Variants in IRS4 observed in about 807,000 individuals in gnomAD.
IRS4 encodes insulin receptor substrate 4.
IRS4 carries 15 observed loss-of-function variants against 48.6 expected under a neutral mutation model. The ratio of observed to expected loss-of-function variants is 0.31; its 90% confidence interval spans 0.21 to 0.48. The LOEUF (loss-of-function observed/expected upper bound fraction) is 0.48. Ranked by LOEUF, IRS4 falls within the 20% of genes least tolerant of loss-of-function variation. The pLI is 0.99. For synonymous variants in IRS4, 459 were observed against 413.2 expected, an observed-to-expected ratio of 1.11 and a Z score of -1.34; for missense variants, 987 against 1,023.4, an observed-to-expected ratio of 0.96 and a Z score of 0.49.
chrX:108,733,715 G>T lies in IRS4; in HGVS notation c.2630C>A (p.Ser877Ter), dbSNP rs769439231. 1 of 1,211,614 alleles carries T rather than the reference G, an allele frequency of 8.3e-7. No homozygotes were observed. Among genetic ancestry groups the T allele is most frequent in the Non-Finnish European group, 1.1e-6 (1 of 895,490 alleles). The change falls in exon 1 of 2, where the codon TCA becomes TAA. Residue 877 changes from serine to a stop codon, truncating the protein, a stop_gained. Transcript: ENST00000372129. LOFTEE classifies it high-confidence loss of function. The part of the protein sequence containing the change: ...PGDGGSPSKP[S>*]DHEPPKNKAK... ...TTTATTCTTTGGGGGCTCATGATCT[G>T]AAGGCTTTGAAGGTGATCCCCCATC...
In IRS4 at chrX:108,733,756, T is replaced by C. The variant is rs908598176; in HGVS notation, c.2589A>G (p.Ser863=). 1 of 1,212,110 alleles carries C rather than the reference T, an allele frequency of 8.3e-7. No homozygotes were observed. ...ATCCCCCATCTCCAGGCTTTGAGAA[T>C]GATCCCTCACCTGAAGGCTTTGAAG... ...DAASKPSGEG[S]FSKPGDGGSP... is the part of the protein sequence containing the mutation. Residue 863 remains serine, a synonymous_variant, in exon 1 of 2, where the codon TCA becomes TCG. Coordinates refer to ENST00000372129, the MANE Select transcript of IRS4 (RefSeq NM_001379150.1).
chrX:108,727,628 C>T (rs1268926548), intron 1 of IRS4, among the ~76,000 whole-genome samples: 1 of 112,216 alleles, frequency 8.9e-6, no homozygotes, highest in Non-Finnish European at 1.9e-5. Flanking sequence ...AAGAGTCTGG[C>T]AGCACCTCTT....
Position 108,735,326 on chromosome X carries a change from C to T in IRS4, c.1019G>A (p.Cys340Tyr), listed in dbSNP as rs1217039000. ...GCCGATGCTGATGCTGTAGCTGCGG[C>T]AGCGGGCTCTGTATTCGTCTGCACA... ...ALCADEYRAR[C>Y]RSYSISIGAH... is the part of the protein sequence containing the mutation. Residue 340 changes from cysteine (C) to tyrosine (Y), a missense_variant, in exon 1 of 2, where the codon TGC becomes TAC. By Grantham distance (194) the Cys-to-Tyr change is radical. Transcript: ENST00000372129. The T allele has an allele frequency of 8.3e-7, 1 of 1,211,653 alleles. No individual in the cohort carries two copies. Among genetic ancestry groups the T allele is most frequent in the Admixed American group, 2.2e-5 (1 of 46,071 alleles).
At chrX:108,730,239 A>G (rs2068893403) in intron 1 of IRS4, among the ~76,000 whole-genome samples, 1 of 110,715 alleles carries the variant, frequency 9.0e-6, no homozygotes, top group African/African-American at 3.3e-5. Flanking sequence ...CTACCATACA[A>G]TTTACATTAA....
chrX:108,725,460 C>CAAAA (rs397968164), intron 1 of IRS4, among the ~76,000 whole-genome samples: 9,815 of 59,529 alleles, frequency 0.16, 857 homozygotes, highest in East Asian at 0.4. Context: ...AGTAAAGCAC[C>CAAAA]AAAAAAAAAA....
chrX:108,729,048 G>A (rs1325168537), intron 1 of IRS4, among the ~76,000 whole-genome samples: 5 of 111,700 alleles, frequency 4.5e-5, no homozygotes, highest in African/African-American at 1.6e-4. Flanking sequence ...TACCTCATTA[G>A]TCCAAACACT....
chrX:108,734,520 A>G lies in IRS4; in HGVS notation c.1825T>C (p.Ser609Pro). 8.3e-7 allele frequency: 1 copy of G among 1,210,150 alleles called. No individual in the cohort carries two copies. Among genetic ancestry groups the G allele is most frequent in the Non-Finnish European group, 1.1e-6 (1 of 895,106 alleles). The change falls in exon 1 of 2, where the codon TCT becomes CCT. Residue 609 changes from serine to proline, a missense_variant. By Grantham distance (74) the Ser-to-Pro change is moderately conservative (BLOSUM62 -1). Coordinates refer to ENST00000372129, the MANE Select transcript of IRS4 (RefSeq NM_001379150.1). ...GSDGDGERGK[S>P]LKKRSYFGKL... ...CCAAAATAGGATCTTTTCTTCAGAG[A>G]TTTTCCACGTTCACCATCACCATCG...
chrX:108,734,999 G>A lies in IRS4; in HGVS notation c.1346C>T (p.Ala449Val). The change falls in exon 1 of 2, where the codon GCC becomes GTC. Residue 449 changes from alanine to valine, a missense_variant. By Grantham distance (64) the Ala-to-Val change is moderately conservative (BLOSUM62 0). Transcript: ENST00000372129. ...AGACAGGCGAGCTCCATTGTTCGGG[G>A]CTTCTGCAGGGTGCCGGGGACGTGC... ...SPARPRHPAE[A>V]PNNGARLSSE... 1 of 1,212,055 alleles carries A rather than the reference G, an allele frequency of 8.3e-7. No homozygotes were observed. Among genetic ancestry groups the A allele is most frequent in the Non-Finnish European group, 1.1e-6 (1 of 895,592 alleles).
rs755977978 is a variant in IRS4, at chrX:108,734,404, C to G, written c.1941G>C (p.Gly647=). 7 of 1,209,831 alleles carry G rather than the reference C, an allele frequency of 5.8e-6. No individual in the cohort carries two copies. The Admixed American group carries it at 1.5e-4, about 26-fold the overall frequency. ...PPPAGGTGGK[G]KSGGRFRLYF... is the part of the protein sequence containing the mutation. Reference sequence around the variant, plus strand: ...AAAGTCTGAATCTTCCCCCAGACTTCCCTTTTCCACCAGTTCCTCCAGCTG... The same window carrying G: ...AAAGTCTGAATCTTCCCCCAGACTTGCCTTTTCCACCAGTTCCTCCAGCTG... Residue 647 remains glycine, a synonymous_variant, in exon 1 of 2, where the codon GGG becomes GGC. Transcript: ENST00000372129.
Position 108,736,415 on chromosome X carries a change from G to A in IRS4, c.-71C>T. 1 of 1,190,871 alleles carries A rather than the reference G, an allele frequency of 8.4e-7. No homozygotes were observed. Among genetic ancestry groups the A allele is most frequent in the Admixed American group, 2.3e-5 (1 of 43,366 alleles). On this transcript the variant is annotated 5_prime_UTR_variant, in exon 1 of 2. Transcript: ENST00000372129. ...CAGGAAAGGGAGGGTTGGGGGAAGA[G>A]GCTGTCTACCCTCGTCTGCCCGCCC...
intron 1 of IRS4, among the ~76,000 whole-genome samples, chrX:108,731,228 G>T (rs991195348): frequency 2.7e-5 from 3 of 110,656 alleles, no homozygotes; most frequent in Non-Finnish European, 5.7e-5. Flanking sequence ...ATGTGGGGGG[G>T]CTACACCTGC....
At position 108,734,292 on chromosome X, in the gene IRS4, C is replaced by T; in HGVS notation, c.2053G>A (p.Gly685Ser). The T allele has an allele frequency of 4.1e-6, 5 of 1,211,320 alleles. 1 individual carries two copies. Among genetic ancestry groups the T allele is most frequent in the Non-Finnish European group, 5.6e-6 (5 of 895,449 alleles). The change falls in exon 1 of 2, where the codon GGT becomes AGT. Residue 685 changes from glycine (G) to serine (S), a missense_variant. Physicochemically the swap from Gly to Ser is moderately conservative, Grantham distance 56 (BLOSUM62 0). Transcript: ENST00000372129. The part of the protein sequence containing the change: ...DAEIPEGAAR[G>S]PHRARAFDED... Reference sequence around the variant, plus strand: ...TCAAAAGCTCTGGCTCTGTGGGGACCTCGAGCTGCACCTTCTGGGATCTCT... The same window carrying T: ...TCAAAAGCTCTGGCTCTGTGGGGACTTCGAGCTGCACCTTCTGGGATCTCT...
At chrX:108,726,559 A>G (rs2068876521) in intron 1 of IRS4, 1 of 111,902 alleles carries the variant, frequency 8.9e-6, no homozygotes, top group South Asian at 3.8e-4. Flanking sequence ...GCAAGAGTAA[A>G]AAATCACATT....
intron 1 of IRS4, 82 bp downstream of exon 1, chrX:108,732,497 C>T: frequency 8.3e-7 from 1 of 1,201,429 alleles, no homozygotes; most frequent in Non-Finnish European, 1.1e-6. Flanking sequence ...GAAATAGTAT[C>T]CCTAACACTG....
At chrX:108,732,227 A>G (rs2068905654) in intron 1 of IRS4, among the ~76,000 whole-genome samples, 1 of 112,464 alleles carries the variant, frequency 8.9e-6, no homozygotes, top group South Asian at 3.7e-4. Flanking sequence ...TTTGAAAATT[A>G]GTTGGTGGAA....
chrX:108,732,645 C>G lies in IRS4; in HGVS notation c.3700G>C (p.Asp1234His), dbSNP rs772365303. The G allele has an allele frequency of 2.5e-6, 3 of 1,209,933 alleles. No homozygotes were observed. The highest frequency in any genetic ancestry group is 1.8e-5 in the South Asian group (1 of 56,807). Residue 1234 changes from aspartate (D) to histidine (H), a missense_variant, in exon 1 of 2, where the codon GAC (aspartate) becomes CAC (histidine). Asp to His is a moderately conservative substitution (Grantham distance 81). Coordinates refer to ENST00000372129, the MANE Select transcript of IRS4 (RefSeq NM_001379150.1). ...TCCATTCTCACGTGAGTGTCGTCGT[C>G]GTTGTCAGAATCTTCTCTCTCCGGG... ...RPPEREDSDN[D>H]DDTHVRMDFA...
chrX:108,726,973 C>T (rs994093063), intron 1 of IRS4: 1 of 111,830 alleles, frequency 8.9e-6, no homozygotes, highest in Non-Finnish European at 1.9e-5. Flanking sequence ...CAACATCTGG[C>T]GAAGCCCTCT....
Position 108,734,180 on chromosome X carries a change from G to A in IRS4, c.2165C>T (p.Pro722Leu). 8.3e-7 allele frequency: 1 copy of A among 1,211,137 alleles called. No individual in the cohort carries two copies. The highest frequency in any genetic ancestry group is 3.0e-5 in the East Asian group (1 of 33,784). Residue 722 changes from proline to leucine, a missense_variant, in exon 1 of 2, where the codon CCT becomes CTT. Physicochemically the swap from Pro to Leu is moderately conservative, Grantham distance 98. Coordinates refer to ENST00000372129, the MANE Select transcript of IRS4 (RefSeq NM_001379150.1). ...CTTTTTTGAAGCAGAGACATTTTGA[G>A]GAGCCATTGGCATATAATCACTGGA... ...VSSSDYMPMA[P>L]QNVSASKKRH...
rs776955060 is a variant in IRS4, at chrX:108,735,707, G to T, written c.638C>A (p.Pro213Gln). ...RRRCGTLGAQ[P>Q]DGEPAALAAA... is the part of the protein sequence containing the mutation. ...CGCCAGCGCGGCCGGCTCTCCGTCC[G>T]GCTGCGCGCCGAGCGTGCCGCAGCG... Residue 213 changes from proline to glutamine, a missense_variant, in exon 1 of 2, where the codon CCG becomes CAG. Pro to Gln is a moderately conservative substitution (Grantham distance 76, BLOSUM62 -1). Around this residue, in one of 4 missense-constraint regions of IRS4, gnomAD observed 173 missense variants for 208.9 expected, o/e 0.83. Coordinates refer to ENST00000372129, the MANE Select transcript of IRS4 (RefSeq NM_001379150.1). 6.8e-6 allele frequency: 8 copies of T among 1,176,496 alleles called. No homozygotes were observed. The highest frequency in any genetic ancestry group is 9.1e-6 in the Non-Finnish European group (8 of 879,173).
Sources: allele counts gnomAD v4.1 joint callset (sites outside exome capture counted in the v4.1 genomes callset), GRCh38; gene constraint gnomAD v4.1.1; regional missense constraint gnomAD v4.1.1; transcripts MANE v1.5; gene names NCBI Gene and HGNC (gene_info 2026-07-23, HGNC 2026-07-21).